NCALD: variants seen among roughly 807,000 people sequenced by gnomAD.
NCALD encodes neurocalcin-delta.
NCALD carries 10 observed loss-of-function variants against 18.6 expected under a neutral mutation model. That is an observed-to-expected ratio of 0.54 (90% CI 0.33 to 0.91). The LOEUF (loss-of-function observed/expected upper bound fraction) is 0.91. Ranked by LOEUF, NCALD falls within the 40% of genes least tolerant of loss-of-function variation. NCALD has a pLI of 0.03. For synonymous variants in NCALD, 88 were observed against 87.4 expected, an observed-to-expected ratio of 1.01 and a Z score of -0.04; for missense variants, 184 against 247.6, an observed-to-expected ratio of 0.74 and a Z score of 1.72.
intron 1 of NCALD, among the ~76,000 whole-genome samples, chr8:101,729,262 T>C (rs1413222926): frequency 6.6e-6 from 1 of 152,036 alleles, no homozygotes; most frequent in Non-Finnish European, 1.5e-5. Context: ...AATTAGGAAA[T>C]AAAACAGAGT....
intron 1 of NCALD, among the ~76,000 whole-genome samples, chr8:101,742,243 AAAG>A (rs1810231707): frequency 6.6e-6 from 1 of 151,832 alleles, no homozygotes. Flanking sequence ...AAAAAAAAAG[AAAG>A]AAAGAAAAAG....
intron 2 of NCALD, among the ~76,000 whole-genome samples, chr8:101,718,093 T>C (rs1816172336): frequency 6.6e-6 from 1 of 152,180 alleles, no homozygotes; most frequent in Non-Finnish European, 1.5e-5. Context: ...TTTGCAGTCT[T>C]CTTAAGAGCC....
Position 101,914,622 on chromosome 8 carries a change from T to G in NCALD, c.-107+1187A>C, listed in dbSNP as rs149738665. Among the ~76,000 whole-genome samples, 128 of 152,372 alleles carry G rather than the reference T, an allele frequency of 8.4e-4. 3 individuals are homozygous for G. The East Asian group carries it at 0.022, about 27-fold the overall frequency. On this transcript the variant is annotated intron_variant, in intron 3 of 6. Transcript: ENST00000311028. Reference sequence around the variant, plus strand: ...TATTCATCATGTATTTATATCAGTATAGATATGTATTTTGTACTTTAAGTG... The same window carrying G: ...TATTCATCATGTATTTATATCAGTAGAGATATGTATTTTGTACTTTAAGTG...
intron 2 of NCALD, among the ~76,000 whole-genome samples, chr8:101,711,518 C>T (rs898344704): frequency 2.0e-5 from 3 of 151,846 alleles, no homozygotes; most frequent in Non-Finnish European, 2.9e-5. Flanking sequence ...AGCTAAGAAC[C>T]TTGATAAAAA....
chr8:102,047,865 G>A (rs1823303937), intron 1 of NCALD, among the ~76,000 whole-genome samples: 1 of 152,134 alleles, frequency 6.6e-6, no homozygotes, highest in South Asian at 2.1e-4. Flanking sequence ...AGATCAAGAG[G>A]TTTGGAGAAT....
chr8:101,758,620 CAT>C (rs924338346), intron 1 of NCALD, among the ~76,000 whole-genome samples: 1 of 152,216 alleles, frequency 6.6e-6, no homozygotes, highest in African/African-American at 2.4e-5. Context: ...ACATCCACCA[CAT>C]GTCTTCTGTC....
chr8:101,797,539 C>G (rs1447864304), intron 4 of NCALD, among the ~76,000 whole-genome samples: 1 of 152,050 alleles, frequency 6.6e-6, no homozygotes, highest in Non-Finnish European at 1.5e-5. Context: ...AATGTGGAGG[C>G]CAAGTGTGGT....
chr8:101,788,276 G>C (rs949368967), intron 1 of NCALD, among the ~76,000 whole-genome samples: 6 of 152,082 alleles, frequency 3.9e-5, no homozygotes, highest in Non-Finnish European at 7.4e-5. Flanking sequence ...AATTCAAGAG[G>C]GCCTGGGGAA....
intron 2 of NCALD, among the ~76,000 whole-genome samples, chr8:101,922,026 C>T (rs539587154): frequency 6.6e-6 from 1 of 151,820 alleles, no homozygotes; most frequent in African/African-American, 2.4e-5. Context: ...TCACTGTAAC[C>T]TCCACCTCTG....
chr8:101,743,530 G>T (rs1810301371), intron 1 of NCALD, among the ~76,000 whole-genome samples: 1 of 152,176 alleles, frequency 6.6e-6, no homozygotes, highest in Non-Finnish European at 1.5e-5. Flanking sequence ...GAAAGGTAAA[G>T]GTGGTTTTAT....
At chr8:101,969,626 C>T (rs1645994695) in intron 2 of NCALD, among the ~76,000 whole-genome samples, 1 of 148,416 alleles carries the variant, frequency 6.7e-6, no homozygotes, top group Non-Finnish European at 1.5e-5. Flanking sequence ...GTGGCTTCTG[C>T]CTGGCAAAAA....
chr8:101,843,582 GTT>G (rs369393213), intron 4 of NCALD, among the ~76,000 whole-genome samples: 2 of 125,116 alleles, frequency 1.6e-5, no homozygotes, highest in African/African-American at 3.3e-5. Flanking sequence ...TTTAAAAATT[GTT>G]TTTTTTTTTT....
chr8:101,952,931 T>C (rs1239177290), intron 2 of NCALD, among the ~76,000 whole-genome samples: 1 of 152,120 alleles, frequency 6.6e-6, no homozygotes, highest in Admixed American at 6.5e-5. Flanking sequence ...CTTTTTTTTT[T>C]TTAAGAAGTA....
At chr8:102,114,368 T>A (rs1409843910) in intron 1 of NCALD, among the ~76,000 whole-genome samples, 3 of 152,148 alleles carry the variant, frequency 2.0e-5, no homozygotes, top group Non-Finnish European at 4.4e-5. Context: ...CCAAATCAGT[T>A]AAAGCCCAAC....
intron 2 of NCALD, among the ~76,000 whole-genome samples, chr8:101,706,370 T>C (rs1815523666): frequency 6.6e-6 from 1 of 151,870 alleles, no homozygotes; most frequent in South Asian, 2.1e-4. Flanking sequence ...AATTTGTTTC[T>C]GGAATATTGG....
chr8:101,828,607 CAT>C (rs1491144307), intron 4 of NCALD, among the ~76,000 whole-genome samples: 1 of 148,608 alleles, frequency 6.7e-6, no homozygotes. Flanking sequence ...TTATATAACT[CAT>C]TTTTTTTTAA....
intron 2 of NCALD, among the ~76,000 whole-genome samples, chr8:101,713,256 C>A (rs982912577): frequency 6.6e-6 from 1 of 152,170 alleles, no homozygotes; most frequent in Non-Finnish European, 1.5e-5. Flanking sequence ...ATATCAGAAT[C>A]TCTGGGACAC....
intron 4 of NCALD, among the ~76,000 whole-genome samples, chr8:101,876,767 A>G (rs937113123): frequency 2.6e-5 from 4 of 152,244 alleles, no homozygotes; most frequent in African/African-American, 9.6e-5. Flanking sequence ...AAATAATAGT[A>G]AATACTGTTA....
At chr8:102,054,815 T>C (rs1455502572) in intron 1 of NCALD, among the ~76,000 whole-genome samples, 2 of 152,178 alleles carry the variant, frequency 1.3e-5, no homozygotes, top group African/African-American at 2.4e-5. Flanking sequence ...TATATTTCTA[T>C]CTCTATATTT....
Sources: allele counts gnomAD v4.1 joint callset (sites outside exome capture counted in the v4.1 genomes callset), GRCh38; gene constraint gnomAD v4.1.1; transcripts MANE v1.5; gene names NCBI Gene and HGNC (gene_info 2026-07-23, HGNC 2026-07-21).